TUBGCP3: variants seen among roughly 807,000 people sequenced by gnomAD.
The protein encoded by TUBGCP3 is tubulin gamma complex component 3.
Under a neutral mutation model 123.1 loss-of-function variants are expected in TUBGCP3, and 50 were observed. The observed-to-expected ratio is 0.41, with a 90% CI of 0.32 to 0.51. The LOEUF (loss-of-function observed/expected upper bound fraction) is 0.51, where lower values mean the gene tolerates loss of function less well. Ranked by LOEUF, TUBGCP3 falls within the 20% of genes least tolerant of loss-of-function variation. TUBGCP3 has a pLI of 0.36. For missense variants in TUBGCP3, 882 were observed against 1,127.0 expected (o/e 0.78, Z 3.11); for synonymous variants, 405 against 413.9 (o/e 0.98, Z 0.26).
intron 3 of TUBGCP3, among the ~76,000 whole-genome samples, chr13:112,563,214 C>A (rs1880659569): frequency 6.6e-6 from 1 of 152,200 alleles, no homozygotes; most frequent in Non-Finnish European, 1.5e-5. Flanking sequence ...CATTCGACTG[C>A]ACCTTTGACC....
chr13:112,575,637 A>C (rs1035422325), intron 1 of TUBGCP3, among the ~76,000 whole-genome samples: 3 of 152,214 alleles, frequency 2.0e-5, no homozygotes, highest in South Asian at 2.1e-4. Flanking sequence ...CCCCACAACA[A>C]AACAACACAC....
chr13:112,512,416 A>C, intron 17 of TUBGCP3, among the ~76,000 whole-genome samples: 1 of 139,690 alleles, frequency 7.2e-6, no homozygotes, highest in Non-Finnish European at 1.5e-5. Context: ...CGACAGAGCA[A>C]GACTCTGTCT....
At chr13:112,520,149 A>G (rs777932234) in intron 14 of TUBGCP3, 128 bp from the exon 15 acceptor site, 30 of 773,624 alleles carry the variant, frequency 3.9e-5, no homozygotes, top group Admixed American at 1.9e-4. Context: ...GACCAATACA[A>G]TAATGCGGCA....
At chr13:112,536,708 T>G (rs577643013) in intron 11 of TUBGCP3, among the ~76,000 whole-genome samples, 1 of 152,312 alleles carries the variant, frequency 6.6e-6, no homozygotes, top group African/African-American at 2.4e-5. Context: ...CTATATATAA[T>G]CTTTATTATA....
chr13:112,579,521 C>CA (rs1882125722), intron 1 of TUBGCP3, among the ~76,000 whole-genome samples: 2 of 144,834 alleles, frequency 1.4e-5, no homozygotes, highest in Non-Finnish European at 3.0e-5. Context: ...CAGGGGGCCA[C>CA]GGCATCCCTG....
the TUBGCP3 span, among the ~76,000 whole-genome samples, chr13:112,600,420 A>G: frequency 6.6e-6 from 1 of 152,082 alleles, no homozygotes; most frequent in African/African-American, 2.4e-5. Context: ...ATTTATACTC[A>G]CTTTTCTTTT....
chr13:112,590,454 C>A (rs1444728423), upstream of TUBGCP3, among the ~76,000 whole-genome samples: 1 of 152,008 alleles, frequency 6.6e-6, no homozygotes, highest in Non-Finnish European at 1.5e-5. Flanking sequence ...TTCTCCATGT[C>A]ATTTTCCTTT....
chr13:112,503,225 C>T (rs1881051215), intron 19 of TUBGCP3, among the ~76,000 whole-genome samples: 1 of 152,184 alleles, frequency 6.6e-6, no homozygotes, highest in Non-Finnish European at 1.5e-5. Context: ...AATGTGGTTC[C>T]TTCTTGTCCC....
chr13:112,588,361 TTGG>T, upstream of TUBGCP3, among the ~76,000 whole-genome samples: 1 of 152,306 alleles, frequency 6.6e-6, no homozygotes, highest in East Asian at 1.9e-4. Context: ...TGGAGGGCAC[TTGG>T]TGGCCGGTAG....
intron 8 of TUBGCP3, among the ~76,000 whole-genome samples, chr13:112,553,414 C>T (rs755006550): frequency 9.2e-5 from 14 of 152,322 alleles, no homozygotes; most frequent in Non-Finnish European, 1.8e-4. Flanking sequence ...TAATTACTGC[C>T]CAATAATCAA....
At position 112,545,838 on chromosome 13, in the gene TUBGCP3, G is replaced by A. The variant is rs774739717; in HGVS notation, c.1196C>T (p.Ala399Val). Residue 399 changes from alanine (A) to valine (V), a missense_variant, in exon 11 of 22, where the codon GCT (alanine) becomes GTT (valine). By Grantham distance (64) the Ala-to-Val change is moderately conservative. Transcript: ENST00000261965. This position sits in a 1 kb window ranked among gnomAD's most constrained non-coding sequence, Gnocchi z 4.1. ...QGRKGGELAS[A>V]VHAYTKTGDP... ...TCCTGTTTTTGTGTAGGCGTGGACA[G>A]CTGAGGCCAGCTCACCTCCTTTCCT... The A allele has an allele frequency of 4.2e-5, 67 of 1,613,104 alleles. No homozygotes were observed. The Admixed American group carries it at 5.5e-4, about 13-fold the overall frequency.
upstream of TUBGCP3, among the ~76,000 whole-genome samples, chr13:112,590,577 T>G (rs1882866669): frequency 6.6e-6 from 1 of 152,110 alleles, no homozygotes; most frequent in Non-Finnish European, 1.5e-5. Flanking sequence ...TAGAAGCATT[T>G]CCATGCAGAA....
At chr13:112,571,882 C>T (rs893548697) in intron 1 of TUBGCP3, among the ~76,000 whole-genome samples, 5 of 152,188 alleles carry the variant, frequency 3.3e-5, no homozygotes, top group Admixed American at 6.5e-5. Context: ...CTAAAAACCC[C>T]TGCTAGCTTC....
At chr13:112,491,539 C>G (rs996350186) in intron 20 of TUBGCP3, among the ~76,000 whole-genome samples, 9 of 152,194 alleles carry the variant, frequency 5.9e-5, no homozygotes, top group African/African-American at 1.7e-4. Flanking sequence ...ACCTGCTTTC[C>G]TTTGAAGAAT....
At chr13:112,496,398 G>T (rs1333042676) in intron 20 of TUBGCP3, among the ~76,000 whole-genome samples, 4 of 152,236 alleles carry the variant, frequency 2.6e-5, no homozygotes, top group African/African-American at 9.6e-5. Flanking sequence ...CACACACCCA[G>T]GGCTCTGTCA....
At chr13:112,514,875 T>C (rs1875960875) in intron 17 of TUBGCP3, among the ~76,000 whole-genome samples, 1 of 152,078 alleles carries the variant, frequency 6.6e-6, no homozygotes, top group African/African-American at 2.4e-5. Context: ...GGCAAAAAAT[T>C]GGAGGAAAAA....
intron 20 of TUBGCP3, among the ~76,000 whole-genome samples, chr13:112,495,401 G>C (rs935017578): frequency 1.3e-5 from 2 of 152,102 alleles, no homozygotes; most frequent in Non-Finnish European, 2.9e-5. Flanking sequence ...TCAGGGATGT[G>C]CTTCCAATAT....
intron 5 of TUBGCP3, 42 bp from the exon 6 acceptor site, chr13:112,556,266 C>A: frequency 6.4e-7 from 1 of 1,573,654 alleles, no homozygotes; most frequent in Non-Finnish European, 8.7e-7. Context: ...AGGCTATTCG[C>A]TGAAGAGACA....
chr13:112,510,530 T>G (rs1881610939), intron 17 of TUBGCP3, among the ~76,000 whole-genome samples: 1 of 152,176 alleles, frequency 6.6e-6, no homozygotes. Context: ...CTAACCACCT[T>G]TGAGGATCTC....
Sources: gnomAD v4.1 joint callset for allele counts (sites outside exome capture counted in the v4.1 genomes callset) on GRCh38, gnomAD v4.1.1 for gene constraint, Gnocchi (gnomAD v3.1) non-coding constraint, MANE v1.5 for transcripts, NCBI Gene and HGNC (gene_info 2026-07-23, HGNC 2026-07-21) for gene names.